Variants in MAPK9 observed in about 807,000 individuals in gnomAD.
The protein encoded by MAPK9 is Jun kinase.
A neutral mutation model predicts 57.1 loss-of-function variants in MAPK9; 30 were observed. The observed-to-expected ratio is 0.53, with a 90% CI of 0.39 to 0.71. MAPK9 has a LOEUF of 0.71. Among genes scored for constraint, MAPK9 ranks in the 30% least tolerant of loss-of-function variants. MAPK9 has a pLI of 0.00. For missense variants in MAPK9, 362 were observed against 521.0 expected, an observed-to-expected ratio of 0.69 and a Z score of 2.97; for synonymous variants, 155 against 177.0, an observed-to-expected ratio of 0.88 and a Z score of 0.99.
chr5:180,243,691 G>A (rs576064215), intron 7 of MAPK9, among the ~76,000 whole-genome samples: 1 of 152,256 alleles, frequency 6.6e-6, no homozygotes, highest in African/African-American at 2.4e-5. Context: ...ACTTCCAAAA[G>A]ACCCGCTCAG....
intron 1 of MAPK9, among the ~76,000 whole-genome samples, chr5:180,290,026 C>T (rs886861234): frequency 2.3e-5 from 2 of 87,644 alleles, no homozygotes; most frequent in African/African-American, 1.0e-4. Flanking sequence ...TAGCTAATTT[C>T]TTAAAATTTT....
Position 180,247,424 on chromosome 5 carries a change from C to T in MAPK9, c.688+15G>A, listed in dbSNP as rs753413863. ...TAAGAAAGCATGGCGGGGCCAAGGT[C>T]GCGGGGAAGGATACGGTCAGTGCCT... is the stretch of plus-strand genomic sequence containing the variant. On this transcript the variant is annotated intron_variant, in intron 7 of 11. Transcript: ENST00000452135. The surrounding 1 kb of genome is among the most constrained non-coding windows in gnomAD (Gnocchi z 4.5). 1.1e-5 allele frequency: 17 copies of T among 1,614,000 alleles called. No individual in the cohort carries two copies. Among genetic ancestry groups the T allele is most frequent in the Admixed American group, 1.7e-5 (1 of 59,990 alleles).
chr5:180,279,812 ATGC>A, intron 2 of MAPK9: 1 of 456,448 alleles, frequency 2.2e-6, no homozygotes, highest in Non-Finnish European at 4.4e-6. Flanking sequence ...CTGGCCCGTG[ATGC>A]TGCGGCGGCT....
In MAPK9 at chr5:180,235,424, G is replaced by C. The variant is rs1757104207; in HGVS notation, c.*960C>G. The C allele has an allele frequency of 6.6e-6, 1 of 152,236 alleles. No homozygotes were observed. The highest frequency in any genetic ancestry group is 2.1e-4 in the South Asian group (1 of 4,836). 9.4% of individuals were successfully genotyped at this position (152,236 alleles called of 1,614,324 possible). On this transcript the variant is annotated 3_prime_UTR_variant, in exon 12 of 12. Transcript: ENST00000452135. ...CAGTCTGTGGCAAAGGAAGCACTTA[G>C]GAAATGACTGCAGTGATCTCTAGTG... is the stretch of plus-strand genomic sequence containing the variant.
chr5:180,284,465 G>A (rs556056894), intron 1 of MAPK9, among the ~76,000 whole-genome samples: 2 of 152,360 alleles, frequency 1.3e-5, no homozygotes, highest in South Asian at 4.1e-4. Context: ...GTTTCCTGGA[G>A]GAGGCAAGAC....
At chr5:180,281,303 T>A (rs1189425248) in intron 1 of MAPK9, among the ~76,000 whole-genome samples, 1 of 152,212 alleles carries the variant, frequency 6.6e-6, no homozygotes, top group Non-Finnish European at 1.5e-5. Context: ...TCCATCATAG[T>A]AACACTAGGA....
At chr5:180,254,417 G>A (rs1165448379) in intron 5 of MAPK9, among the ~76,000 whole-genome samples, 1 of 152,178 alleles carries the variant, frequency 6.6e-6, no homozygotes, top group East Asian at 1.9e-4. Context: ...CTTATCCTCA[G>A]AGATGATAGT....
chr5:180,235,810 TAG>T lies in MAPK9; in HGVS notation c.*572_*573del, dbSNP rs1387652669. The T allele has an allele frequency of 1.3e-5, 2 of 152,404 alleles. No individual in the cohort carries two copies. The highest frequency in any genetic ancestry group is 4.8e-5 in the African/African-American group (2 of 41,464). The allele number at this position is 152,404 out of a possible 1,614,324, so 9.4% of individuals were successfully genotyped here. A position where few individuals can be genotyped will look rare whatever the true frequency, so the allele number is the denominator to read the frequency against. On this transcript the variant is annotated 3_prime_UTR_variant, in exon 12 of 12. Coordinates refer to ENST00000452135, the MANE Select transcript of MAPK9 (RefSeq NM_002752.5). ...AAGCTATATATTTTTATTTATTAAA[TAG>T]ATTTAATTATATGTCTTCTGAAATA...
rs1206651065 is a variant in MAPK9, at chr5:180,291,908, T to C, written c.-108A>G. 1 of 146,822 alleles carries C rather than the reference T, an allele frequency of 6.8e-6. No homozygotes were observed. The highest frequency in any genetic ancestry group is 2.5e-5 in the African/African-American group (1 of 40,584). 9.1% of individuals were successfully genotyped at this position (146,822 alleles called of 1,614,324 possible). A position where few individuals can be genotyped will look rare whatever the true frequency, so the allele number is the denominator to read the frequency against. Reference sequence around the variant, plus strand: ...GGGCGGGCGGACTGGCGGCGCTGCGTGCTAGTCACTCCTGGCTCCGCGGCC... The same window carrying C: ...GGGCGGGCGGACTGGCGGCGCTGCGCGCTAGTCACTCCTGGCTCCGCGGCC... On this transcript the variant is annotated 5_prime_UTR_variant, in exon 1 of 12. Transcript: ENST00000452135.
intron 3 of MAPK9, among the ~76,000 whole-genome samples, chr5:180,265,899 A>G (rs1390621938): frequency 6.6e-6 from 1 of 152,246 alleles, no homozygotes; most frequent in Non-Finnish European, 1.5e-5. Flanking sequence ...AATCTAAAAC[A>G]TGAAATAAAA....
intron 11 of MAPK9, chr5:180,236,770 A>C: frequency 2.7e-6 from 1 of 368,624 alleles, no homozygotes; most frequent in African/African-American, 2.1e-5. Flanking sequence ...CAGTAGCTAA[A>C]CATATATGTG....
At chr5:180,251,298 G>T (rs1581198298) in intron 5 of MAPK9, among the ~76,000 whole-genome samples, 1 of 152,066 alleles carries the variant, frequency 6.6e-6, no homozygotes, top group Non-Finnish European at 1.5e-5. Flanking sequence ...ACGGCCGCAG[G>T]AGCAAGGAAG....
Position 180,261,816 on chromosome 5 carries a change from C to T in MAPK9, c.318G>A (p.Leu106=), listed in dbSNP as rs1021949029. ...KTLEEFQDVY[L]VMELMDANLC... ...AGTTAGCATCCATTAATTCCATAAC[C>T]AAATACCTGAGGGAGAAAAGGTCAG... Residue 106 remains leucine, a synonymous_variant, in exon 5 of 12, where the codon TTG becomes TTA. Transcript: ENST00000452135. 6.2e-7 allele frequency: 1 copy of T among 1,603,696 alleles called. No individual in the cohort carries two copies. The highest frequency in any genetic ancestry group is 8.5e-7 in the Non-Finnish European group (1 of 1,176,634).
chr5:180,267,398 TA>T (rs1760702135), intron 3 of MAPK9, among the ~76,000 whole-genome samples: 1 of 151,386 alleles, frequency 6.6e-6, no homozygotes, highest in African/African-American at 2.4e-5. Flanking sequence ...CTGTCTCTAC[TA>T]AAAATACAAA....
At chr5:180,287,075 G>T (rs1045523440) in intron 1 of MAPK9, 6 of 152,150 alleles carry the variant, frequency 3.9e-5, no homozygotes, top group Non-Finnish European at 8.8e-5. Context: ...TTCCTGAAAA[G>T]ACAAAAGTAT....
intron 7 of MAPK9, chr5:180,245,919 T>C (rs1435757729): frequency 2.0e-5 from 3 of 152,214 alleles, no homozygotes; most frequent in Admixed American, 2.0e-4. Context: ...TTGAAAGAGT[T>C]GGCAAAATTT....
intron 4 of MAPK9, chr5:180,263,073 T>C (rs1440114624): frequency 1.3e-5 from 2 of 152,390 alleles, no homozygotes; most frequent in East Asian, 3.8e-4. Context: ...TCCACCTTGA[T>C]GTCTAACAGG....
chr5:180,239,355 A>T (rs1401122955), intron 10 of MAPK9, among the ~76,000 whole-genome samples: 1 of 152,226 alleles, frequency 6.6e-6, no homozygotes, highest in Admixed American at 6.5e-5. Context: ...ACGGGCACAC[A>T]CAGGTAACCG....
intron 2 of MAPK9, among the ~76,000 whole-genome samples, chr5:180,275,599 G>A (rs1388350515): frequency 1.3e-5 from 2 of 152,192 alleles, no homozygotes; most frequent in African/African-American, 4.8e-5. Context: ...CTAGGCTTCT[G>A]TGCTTCCCCA....
Sources: allele counts gnomAD v4.1 joint callset (sites outside exome capture counted in the v4.1 genomes callset), GRCh38; gene constraint gnomAD v4.1.1; non-coding constraint Gnocchi (gnomAD v3.1); transcripts MANE v1.5; gene names NCBI Gene and HGNC (gene_info 2026-07-23, HGNC 2026-07-21).